BICD2: variants seen among roughly 807,000 people sequenced by gnomAD.
The protein encoded by BICD2 is protein bicaudal D homolog 2.
In BICD2, 25 loss-of-function variants were observed where a neutral mutation model predicts 72.9. That is an observed-to-expected ratio of 0.34 (90% CI 0.25 to 0.48). The LOEUF (loss-of-function observed/expected upper bound fraction) is 0.48, where lower values mean the gene tolerates loss of function less well. Ranked by LOEUF, BICD2 falls within the 20% of genes least tolerant of loss-of-function variation. The pLI, the probability that BICD2 is intolerant of heterozygous loss-of-function variation, is 0.99. For synonymous variants in BICD2, 501 were observed against 516.1 expected (o/e 0.97, Z 0.40); for missense variants, 894 against 1,175.2 (o/e 0.76, Z 3.50).
chr9:92,745,773 C>T (rs1267663081), intron 1 of BICD2, among the ~76,000 whole-genome samples: 1 of 152,180 alleles, frequency 6.6e-6, no homozygotes, highest in Non-Finnish European at 1.5e-5. Context: ...TCTCCATAAA[C>T]GTTTCCCCAA....
chr9:92,714,537 CCAG>C lies in BICD2; in HGVS notation c.*614_*616del, dbSNP rs1194455988. 3.0e-6 allele frequency: 3 copies of C among 985,432 alleles called. No homozygotes were observed. Among genetic ancestry groups the C allele is most frequent in the South Asian group, 9.4e-5 (2 of 21,296 alleles). 61.0% of individuals were successfully genotyped at this position (985,432 alleles called of 1,614,324 possible). ...CTGTGTCTGTGCCATGTGTGTCTGG[CCAG>C]CAGAATACAGGGGCTCAGGGCTGCT... On this transcript the variant is annotated 3_prime_UTR_variant, in exon 7 of 7. Coordinates refer to ENST00000356884, the MANE Select transcript of BICD2 (RefSeq NM_001003800.2).
intron 1 of BICD2, among the ~76,000 whole-genome samples, chr9:92,741,281 A>C (rs1416250824): frequency 6.6e-6 from 1 of 152,210 alleles, no homozygotes; most frequent in Non-Finnish European, 1.5e-5. Flanking sequence ...AATCTCAGCA[A>C]ACAGAAGTAA....
chr9:92,745,801 G>C, intron 1 of BICD2, among the ~76,000 whole-genome samples: 1 of 152,190 alleles, frequency 6.6e-6, no homozygotes, highest in East Asian at 1.9e-4. Flanking sequence ...TGAAGAGAAA[G>C]CAAGAAAGAG....
chr9:92,764,541 A>T lies in BICD2; in HGVS notation c.204T>A (p.Tyr68Ter). Residue 68 changes from tyrosine to a stop codon, truncating the protein, a stop_gained, in exon 1 of 7, where the codon TAT becomes TAA. Coordinates refer to ENST00000356884, the MANE Select transcript of BICD2 (RefSeq NM_001003800.2). LOFTEE classifies it high-confidence loss of function. This position sits in a 1 kb window ranked among gnomAD's most constrained non-coding sequence, Gnocchi z 5.5. ...KLQFEELEVDYEAIRSEMEQL... is the reference protein window; with the variant it reads ...KLQFEELEVD The stretch of plus-strand genomic sequence containing the variant: ...GCTCCATCTCGCTGCGGATAGCCTC[A>T]TAGTCCACCTCGAGCTCCTCGAACT... The T allele has an allele frequency of 6.5e-7, 1 of 1,544,142 alleles. No homozygotes were observed. Among genetic ancestry groups the T allele is most frequent in the Non-Finnish European group, 8.7e-7 (1 of 1,144,724 alleles).
At chr9:92,743,775 T>C (rs1853946916) in intron 1 of BICD2, among the ~76,000 whole-genome samples, 1 of 152,054 alleles carries the variant, frequency 6.6e-6, no homozygotes, top group South Asian at 2.1e-4. Flanking sequence ...ATATCCTGAA[T>C]ATATAAAGAT....
intron 1 of BICD2, among the ~76,000 whole-genome samples, chr9:92,747,795 T>C (rs1854045459): frequency 6.6e-6 from 1 of 151,984 alleles, no homozygotes; most frequent in Non-Finnish European, 1.5e-5. Context: ...CCTTGGTGAG[T>C]GCAGGAACGG....
intron 2 of BICD2, among the ~76,000 whole-genome samples, chr9:92,728,009 G>C (rs931607688): frequency 4.5e-4 from 68 of 152,300 alleles, no homozygotes; most frequent in African/African-American, 1.6e-3. Context: ...TAAAATATGT[G>C]CCAGTCAGTG....
chr9:92,744,150 G>A (rs1227744958), intron 1 of BICD2, among the ~76,000 whole-genome samples: 6 of 152,164 alleles, frequency 3.9e-5, no homozygotes, highest in Non-Finnish European at 5.9e-5. Flanking sequence ...CCCCAGGGTC[G>A]GTCTACCTGA....
chr9:92,741,477 AT>A (rs2131522001), intron 1 of BICD2, among the ~76,000 whole-genome samples: 1 of 152,372 alleles, frequency 6.6e-6, no homozygotes, highest in African/African-American at 2.4e-5. Flanking sequence ...ACAAACTAAT[AT>A]TTTTAAAGGA....
Position 92,712,584 on chromosome 9 carries a change from T to C in BICD2, c.*2570A>G, listed in dbSNP as rs1194291386. 1 of 152,600 alleles carries C rather than the reference T, an allele frequency of 6.6e-6. No homozygotes were observed. Among genetic ancestry groups the C allele is most frequent in the Non-Finnish European group, 1.5e-5 (1 of 68,040 alleles). 9.5% of individuals were successfully genotyped at this position (152,600 alleles called of 1,614,324 possible). A position where few individuals can be genotyped will look rare whatever the true frequency, so the allele number is the denominator to read the frequency against. On this transcript the variant is annotated 3_prime_UTR_variant, in exon 7 of 7. Coordinates refer to ENST00000356884, the MANE Select transcript of BICD2 (RefSeq NM_001003800.2). The stretch of plus-strand genomic sequence containing the variant: ...ATTTGGAATTTTATTGGTACAGTTG[T>C]ATAAAATTCTGTTAATCAGTCATGC...
intron 2 of BICD2, among the ~76,000 whole-genome samples, chr9:92,723,987 C>G (rs1224300924): frequency 6.6e-6 from 1 of 152,202 alleles, no homozygotes; most frequent in Admixed American, 6.5e-5. Context: ...ATTGTGACAA[C>G]TGAAAAATCT....
chr9:92,763,117 G>C (rs1854404959), intron 1 of BICD2, among the ~76,000 whole-genome samples: 1 of 152,160 alleles, frequency 6.6e-6, no homozygotes, highest in Admixed American at 6.5e-5. Context: ...GAGGGCGATG[G>C]GGGAGGACCC....
rs550312355 is a variant in BICD2 at position 92,718,948 on chromosome 9, C to T, written c.1697G>A (p.Arg566His). The change falls in exon 5 of 7, where the codon CGC becomes CAC. Residue 566 changes from arginine (R) to histidine (H), a missense_variant. Coordinates refer to ENST00000356884, the MANE Select transcript of BICD2 (RefSeq NM_001003800.2). ...YYREGQGGAG[R>H]TSPGGRTSPE... ...GCTGGTGCGGCCCCCGGGACTGGTG[C>T]GGCCGGCCCCGCCCTGGCCCTCGCG... The T allele has an allele frequency of 1.9e-5, 30 of 1,609,152 alleles. No homozygotes were observed. The highest frequency in any genetic ancestry group is 2.2e-5 in the East Asian group (1 of 44,844).
In BICD2 at chr9:92,719,247, C is replaced by A. The variant is rs1587669084; in HGVS notation, c.1398G>T (p.Gln466His). The change falls in exon 5 of 7, where the codon CAG (glutamine) becomes CAT (histidine). Residue 466 changes from glutamine to histidine, a missense_variant. Coordinates refer to ENST00000356884, the MANE Select transcript of BICD2 (RefSeq NM_001003800.2). ...LRSTHEAREAQHAEEKGRYEA... is the reference protein window; with the variant it reads ...LRSTHEAREAHHAEEKGRYEA... ...CATAGCGGCCCTTCTCCTCGGCGTGCTGGGCCTCACGAGCCTCGTGCGTGC... is the reference window on the plus strand; with the variant it reads ...CATAGCGGCCCTTCTCCTCGGCGTGATGGGCCTCACGAGCCTCGTGCGTGC... The A allele has an allele frequency of 6.2e-7, 1 of 1,612,892 alleles. No homozygotes were observed. The highest frequency in any genetic ancestry group is 8.5e-7 in the Non-Finnish European group (1 of 1,179,990).
Position 92,714,866 on chromosome 9 carries a change from C to T in BICD2, c.*288G>A, listed in dbSNP as rs1853269534. The T allele has an allele frequency of 1.7e-6, 2 of 1,206,790 alleles. No homozygotes were observed. The highest frequency in any genetic ancestry group is 2.1e-6 in the Non-Finnish European group (2 of 968,780). 74.8% of individuals were successfully genotyped at this position (1,206,790 alleles called of 1,614,324 possible). A position where few individuals can be genotyped will look rare whatever the true frequency, so the allele number is the denominator to read the frequency against. ...ACGGGTGCGCAGGGCTTAGAAGATG[C>T]TTTCATCACACATCTGCTGCAAGAA... is the stretch of plus-strand genomic sequence containing the variant. On this transcript the variant is annotated 3_prime_UTR_variant, in exon 7 of 7. Transcript: ENST00000356884.
chr9:92,713,469 C>T lies in BICD2; in HGVS notation c.*1685G>A, dbSNP rs756734185. On this transcript the variant is annotated 3_prime_UTR_variant, in exon 7 of 7. Coordinates refer to ENST00000356884, the MANE Select transcript of BICD2 (RefSeq NM_001003800.2). Reference sequence around the variant, plus strand: ...CTGGCAGCTACTCTACAGCTGAAAACGGGAGAAAAGAGAGCGTTAGAAAGC... The same window carrying T: ...CTGGCAGCTACTCTACAGCTGAAAATGGGAGAAAAGAGAGCGTTAGAAAGC... The T allele has an allele frequency of 3.0e-5, 48 of 1,590,222 alleles. 1 individual carries two copies. Among genetic ancestry groups the T allele is most frequent in the South Asian group, 2.9e-4 (25 of 87,532 alleles).
At chr9:92,728,978 G>C in intron 2 of BICD2, 46 bp downstream of exon 2, 2 of 1,589,474 alleles carry the variant, frequency 1.3e-6, no homozygotes, top group South Asian at 2.3e-5. Flanking sequence ...TGTGACACTG[G>C]TGGCACTGCT....
chr9:92,726,346 G>A lies in BICD2; in HGVS notation c.453+2678C>T, dbSNP rs1229530253. ...GGACAGACAACCAGTTGACCCAAGG[G>A]AGGAAAAAAGGGGAGGGGCTGTTGT... On this transcript the variant is annotated intron_variant, in intron 2 of 6. Coordinates refer to ENST00000356884, the MANE Select transcript of BICD2 (RefSeq NM_001003800.2). Among the ~76,000 whole-genome samples, 3 of 152,050 alleles carry A rather than the reference G, an allele frequency of 2.0e-5. No individual in the cohort carries two copies. The East Asian group carries it at 5.8e-4, about 29-fold the overall frequency.
At position 92,713,144 on chromosome 9, in the gene BICD2, G is replaced by A; in HGVS notation, c.*2010C>T. The A allele has an allele frequency of 2.4e-6, 1 of 410,838 alleles. No individual in the cohort carries two copies. The highest frequency in any genetic ancestry group is 4.4e-6 in the Non-Finnish European group (1 of 226,896). The allele number at this position is 410,838 out of a possible 1,614,324, so 25.4% of individuals were successfully genotyped here. On this transcript the variant is annotated 3_prime_UTR_variant, in exon 7 of 7. Coordinates refer to ENST00000356884, the MANE Select transcript of BICD2 (RefSeq NM_001003800.2). ...TTGATCGGATAAAAAAAGAACATGT[G>A]TAACAAGGAGCCCCCGTGGTGGGCG...
Sources: gnomAD v4.1 joint callset for allele counts (sites outside exome capture counted in the v4.1 genomes callset) on GRCh38, gnomAD v4.1.1 for gene constraint, Gnocchi (gnomAD v3.1) non-coding constraint, MANE v1.5 for transcripts, NCBI Gene and HGNC (gene_info 2026-07-23, HGNC 2026-07-21) for gene names.